The following ZRANB3 variants were observed in gnomAD, a reference collection of about 807,000 sequenced individuals.
ZRANB3 encodes DNA annealing helicase and endonuclease ZRANB3.
In ZRANB3, 125 loss-of-function variants were observed where a neutral mutation model predicts 133.8. The observed-to-expected ratio is 0.93, with a 90% CI of 0.81 to 1.08. The LOEUF is 1.08. ZRANB3 is among the 50% of genes least tolerant of loss of function. The pLI, the probability that ZRANB3 is intolerant of heterozygous loss-of-function variation, is 0.00. For missense variants in ZRANB3, 1,229 were observed against 1,275.5 expected, an observed-to-expected ratio of 0.96 and a Z score of 0.56; for synonymous variants, 387 against 432.7, an observed-to-expected ratio of 0.89 and a Z score of 1.31.
intron 6 of ZRANB3, among the ~76,000 whole-genome samples, chr2:135,327,246 G>T (rs1345131114): frequency 6.6e-6 from 1 of 152,152 alleles, no homozygotes; most frequent in African/African-American, 2.4e-5. Flanking sequence ...GGAAATTCAG[G>T]GTGACAGCTT....
chr2:135,530,351 G>A (rs1328544215), intron 1 of ZRANB3: 1 of 152,230 alleles, frequency 6.6e-6, no homozygotes, highest in Admixed American at 6.5e-5. Context: ...TAGCGAGCAG[G>A]CCGAGACGCC....
At chr2:135,333,401 A>T (rs1429769554) in intron 6 of ZRANB3, among the ~76,000 whole-genome samples, 1 of 152,228 alleles carries the variant, frequency 6.6e-6, no homozygotes, top group South Asian at 2.1e-4. Context: ...CTTATATTAC[A>T]ATCTTTTTAA....
At chr2:135,349,799 C>A (rs1020042974) in intron 5 of ZRANB3, among the ~76,000 whole-genome samples, 185 bp downstream of exon 5, 1 of 152,154 alleles carries the variant, frequency 6.6e-6, no homozygotes, top group African/African-American at 2.4e-5. Context: ...TTGGCTAAGG[C>A]TTAAATGTAA....
intron 12 of ZRANB3, among the ~76,000 whole-genome samples, chr2:135,252,523 T>A (rs748509354): frequency 3.3e-5 from 5 of 152,114 alleles, no homozygotes; most frequent in Non-Finnish European, 5.9e-5. Context: ...ACTCAGGGGG[T>A]TAAATTAATC....
At chr2:135,311,125 A>G (rs1177142547) in intron 8 of ZRANB3, among the ~76,000 whole-genome samples, 2 of 152,184 alleles carry the variant, frequency 1.3e-5, no homozygotes, top group Non-Finnish European at 2.9e-5. Context: ...CAAAATAAAG[A>G]GTTCTTATTA....
At chr2:135,413,644 T>C (rs919354718) in intron 2 of ZRANB3, among the ~76,000 whole-genome samples, 1 of 152,182 alleles carries the variant, frequency 6.6e-6, no homozygotes, top group South Asian at 2.1e-4. Context: ...TATAATTATA[T>C]GCTAGTTAAC....
At chr2:135,529,281 G>C (rs1048969304) in intron 1 of ZRANB3, among the ~76,000 whole-genome samples, 5 of 152,150 alleles carry the variant, frequency 3.3e-5, no homozygotes, top group Non-Finnish European at 7.3e-5. Flanking sequence ...TCTGTAACTT[G>C]TATCTTCTTT....
At chr2:135,274,479 T>C (rs1268440221) in intron 9 of ZRANB3, among the ~76,000 whole-genome samples, 1 of 152,214 alleles carries the variant, frequency 6.6e-6, no homozygotes, top group African/African-American at 2.4e-5. Context: ...ACTGTGTAGG[T>C]AAATAAAAAG....
chr2:135,390,933 T>C, intron 2 of ZRANB3, 113 bp from the exon 3 acceptor site: 1 of 1,097,130 alleles, frequency 9.1e-7, no homozygotes, highest in Non-Finnish European at 1.2e-6. Context: ...CGATCTCAGC[T>C]CACTGCAACC....
intron 2 of ZRANB3, among the ~76,000 whole-genome samples, chr2:135,460,200 T>C (rs995881993): frequency 2.0e-5 from 3 of 152,138 alleles, no homozygotes; most frequent in Non-Finnish European, 2.9e-5. Context: ...CTTACTCCAA[T>C]GGTGACTTTT....
chr2:135,274,593 C>G (rs186805737), intron 9 of ZRANB3, among the ~76,000 whole-genome samples: 1 of 151,506 alleles, frequency 6.6e-6, no homozygotes, highest in East Asian at 1.9e-4. Context: ...TTTTTAGCAA[C>G]CTTTTTTTAA....
At chr2:135,498,851 C>G (rs1199829531) in intron 2 of ZRANB3, among the ~76,000 whole-genome samples, 1 of 152,112 alleles carries the variant, frequency 6.6e-6, no homozygotes, top group South Asian at 2.1e-4. Flanking sequence ...GAGGAAATTC[C>G]CACCTAATAA....
rs769271961 is a variant in ZRANB3, at chr2:135,418,925, C to CTTTTTTTTTTTTTTT, written c.162-28120_162-28106dup. ...AAGTAATGAAAAATAAGGATTCTCT[C>CTTTTTTTTTTTTTTT]TTTTTTTTTTTTTTTTTTTTTTTTT... On this transcript the variant is annotated intron_variant, in intron 2 of 20. Coordinates refer to ENST00000264159, the MANE Select transcript of ZRANB3 (RefSeq NM_032143.4). Among the ~76,000 whole-genome samples the CTTTTTTTTTTTTTTT allele has an allele frequency of 7.8e-4, 67 of 85,896 alleles. 11 individuals are homozygous for CTTTTTTTTTTTTTTT. The highest frequency in any genetic ancestry group is 3.3e-3 in the East Asian group (6 of 1,846). The allele number at this position is 85,896 out of a possible 152,430, so 56.4% of individuals were successfully genotyped here.
chr2:135,350,887 A>G (rs1440776942), intron 4 of ZRANB3, among the ~76,000 whole-genome samples: 1 of 152,334 alleles, frequency 6.6e-6, no homozygotes, highest in Non-Finnish European at 1.5e-5. Flanking sequence ...TTAGATTTCT[A>G]TAATTCATAC....
At chr2:135,425,702 A>G (rs1182982773) in intron 2 of ZRANB3, among the ~76,000 whole-genome samples, 1 of 152,202 alleles carries the variant, frequency 6.6e-6, no homozygotes, top group Non-Finnish European at 1.5e-5. Context: ...CAGTGTTAAG[A>G]GGGAAGTTTA....
intron 2 of ZRANB3, among the ~76,000 whole-genome samples, chr2:135,473,154 G>T (rs1354837306): frequency 6.6e-6 from 1 of 152,128 alleles, no homozygotes; most frequent in African/African-American, 2.4e-5. Context: ...TAATTCTCAT[G>T]ATGTCCCTTC....
intron 1 of ZRANB3, among the ~76,000 whole-genome samples, chr2:135,523,677 T>C (rs1336982744): frequency 6.6e-6 from 1 of 152,238 alleles, no homozygotes; most frequent in Non-Finnish European, 1.5e-5. Flanking sequence ...ATAAGGAAAC[T>C]GAGACACAGA....
At chr2:135,261,850 T>C (rs1460214594) in intron 12 of ZRANB3, among the ~76,000 whole-genome samples, 2 of 152,026 alleles carry the variant, frequency 1.3e-5, no homozygotes, top group Non-Finnish European at 2.9e-5. Context: ...CAGAATATAA[T>C]ATAATAAGCA....
At chr2:135,203,034 G>T in intron 19 of ZRANB3, 71 bp from the exon 20 acceptor site, 1 of 1,541,310 alleles carries the variant, frequency 6.5e-7, no homozygotes. Context: ...TTTGCATTGT[G>T]CAATCATGTA....
Sources: gnomAD v4.1 joint callset for allele counts (sites outside exome capture counted in the v4.1 genomes callset) on GRCh38, gnomAD v4.1.1 for gene constraint, MANE v1.5 for transcripts, NCBI Gene and HGNC (gene_info 2026-07-23, HGNC 2026-07-21) for gene names.